The following ADGRV1 variants were observed in gnomAD, a reference collection of about 807,000 sequenced individuals.
ADGRV1 encodes adhesion G protein-coupled receptor V1.
In ADGRV1, 359 loss-of-function variants were observed where a neutral mutation model predicts 596.2. The ratio of observed to expected loss-of-function variants is 0.60; its 90% confidence interval spans 0.55 to 0.66. ADGRV1 has a LOEUF of 0.66. Ranked by LOEUF, ADGRV1 falls within the 30% of genes least tolerant of loss-of-function variation. The probability of loss-of-function intolerance (pLI) is 0.00; values close to 1 mark genes in which losing one functional copy is unlikely to be tolerated. For synonymous variants in ADGRV1, 2,681 were observed against 2,679.2 expected (o/e 1.00, Z -0.02); for missense variants, 7,274 against 7,575.6 (o/e 0.96, Z 1.48).
intron 60 of ADGRV1, among the ~76,000 whole-genome samples, chr5:90,775,541 A>G (rs1354350822): frequency 6.6e-6 from 1 of 152,194 alleles, no homozygotes; most frequent in Non-Finnish European, 1.5e-5. Flanking sequence ...CAGTGGTGTG[A>G]TCACAGATTC....
chr5:90,624,845 T>A (rs1258018874), intron 5 of ADGRV1, among the ~76,000 whole-genome samples: 3 of 150,994 alleles, frequency 2.0e-5, no homozygotes, highest in Non-Finnish European at 3.0e-5. Context: ...TACCCTTTCT[T>A]CCAAGAAGAA....
rs1030578040 is a variant in ADGRV1 at position 90,712,448 on chromosome 5, A to G, written c.9184+20A>G. On this transcript the variant is annotated intron_variant, in intron 42 of 89. Coordinates refer to ENST00000405460, the MANE Select transcript of ADGRV1 (RefSeq NM_032119.4). ...CAATAGGTAATTAATAATTTCTTAT[A>G]AACAGCTTCCTCTCCTTCATGCTGG... The G allele has an allele frequency of 1.9e-6, 3 of 1,552,930 alleles. No individual in the cohort carries two copies. Among genetic ancestry groups the G allele is most frequent in the South Asian group, 2.4e-5 (2 of 83,462 alleles).
intron 27 of ADGRV1, 87 bp downstream of exon 27, chr5:90,681,541 C>T (rs1196561295): frequency 2.3e-6 from 3 of 1,325,386 alleles, no homozygotes; most frequent in Admixed American, 2.7e-5. Flanking sequence ...TTATGCTTTC[C>T]TTTTTTTGTG....
chr5:90,595,657 G>C (rs1309550859), intron 1 of ADGRV1, among the ~76,000 whole-genome samples: 32 of 133,968 alleles, frequency 2.4e-4, no homozygotes, highest in East Asian at 6.9e-4. Flanking sequence ...TGGCCGGGCG[G>C]GGAACTGACC....
chr5:90,639,501 T>A (rs1580549450), intron 11 of ADGRV1, among the ~76,000 whole-genome samples: 1 of 152,174 alleles, frequency 6.6e-6, no homozygotes, highest in Non-Finnish European at 1.5e-5. Flanking sequence ...TAAGTATAAT[T>A]TTTAAGGGTT....
intron 75 of ADGRV1, among the ~76,000 whole-genome samples, chr5:90,822,632 G>A (rs958434659): frequency 1.3e-5 from 2 of 152,210 alleles, no homozygotes; most frequent in African/African-American, 4.8e-5. Flanking sequence ...GGTTCCATAT[G>A]AACTTTAAAG....
chr5:91,138,237 GAA>G (rs536525545), intron 87 of ADGRV1, among the ~76,000 whole-genome samples: 1 of 141,144 alleles, frequency 7.1e-6, no homozygotes, highest in African/African-American at 2.6e-5. Flanking sequence ...ATGGGTTGGA[GAA>G]AAAAAAAAAA....
intron 85 of ADGRV1, among the ~76,000 whole-genome samples, chr5:91,051,239 A>C (rs1449009177): frequency 6.6e-6 from 1 of 152,210 alleles, no homozygotes; most frequent in Non-Finnish European, 1.5e-5. Context: ...AATATTATAC[A>C]GGAAGTCCCT....
chr5:91,090,211 G>A (rs921946465), intron 86 of ADGRV1, among the ~76,000 whole-genome samples: 2 of 152,022 alleles, frequency 1.3e-5, no homozygotes, highest in African/African-American at 4.8e-5. Context: ...AGATCTATTT[G>A]ATCCCCCCTC....
chr5:90,857,068 G>A lies in ADGRV1; in HGVS notation c.17755+1167G>A, dbSNP rs1767091102. 2.0e-5 allele frequency among the ~76,000 whole-genome samples: 3 copies of A among 151,998 alleles called. No homozygotes were observed. The South Asian group carries it at 6.2e-4, about 32-fold the overall frequency. ...TATATAGTTATAAATTTTCTTTAAT[G>A]TATTTTAATTCTGAACCTAACTTCA... On this transcript the variant is annotated intron_variant, in intron 82 of 89. Transcript: ENST00000405460.
Position 90,704,636 on chromosome 5 carries a change from A to T in ADGRV1, c.8386+148A>T, listed in dbSNP as rs999831584. On this transcript the variant is annotated intron_variant, in intron 36 of 89. Coordinates refer to ENST00000405460, the MANE Select transcript of ADGRV1 (RefSeq NM_032119.4). The stretch of plus-strand genomic sequence containing the variant: ...TCCCCTAGAAATGTTAGATCAAAAA[A>T]AATTAGCACCATATGGGAATACTTA... 3.5e-5 allele frequency: 19 copies of T among 541,904 alleles called. No individual in the cohort carries two copies. The Admixed American group carries it at 4.0e-4, about 12-fold the overall frequency. 33.6% of individuals were successfully genotyped at this position (541,904 alleles called of 1,614,324 possible). A position where few individuals can be genotyped will look rare whatever the true frequency, so the allele number is the denominator to read the frequency against.
rs1349796212 is a variant in ADGRV1, at chr5:90,674,219, A to G, written c.5095A>G (p.Ser1699Gly). 6.2e-7 allele frequency: 1 copy of G among 1,607,300 alleles called. No homozygotes were observed. The highest frequency in any genetic ancestry group is 8.5e-7 in the Non-Finnish European group (1 of 1,176,944). The change falls in exon 23 of 90, where the codon AGT becomes GGT. Residue 1699 changes from serine (S) to glycine (G), a missense_variant. Coordinates refer to ENST00000405460, the MANE Select transcript of ADGRV1 (RefSeq NM_032119.4). ...AACGACTGATATCACCATCAAAGCTAGTGATCATCCATATGGTAACCTGCT... is the reference window on the plus strand; with the variant it reads ...AACGACTGATATCACCATCAAAGCTGGTGATCATCCATATGGTAACCTGCT... ...KETTDITIKA[S>G]DHPYGLLQFS...
intron 83 of ADGRV1, among the ~76,000 whole-genome samples, chr5:90,876,433 C>T (rs919940474): frequency 6.6e-6 from 1 of 152,124 alleles, no homozygotes; most frequent in African/African-American, 2.4e-5. Context: ...ACAGTTTCTT[C>T]ACTTCACAGG....
chr5:90,561,044 AT>A (rs1754759399), intron 1 of ADGRV1, among the ~76,000 whole-genome samples: 1 of 152,180 alleles, frequency 6.6e-6, no homozygotes, highest in South Asian at 2.1e-4. Flanking sequence ...AGTATGTCAC[AT>A]TTATTGAATA....
intron 83 of ADGRV1, among the ~76,000 whole-genome samples, chr5:90,945,917 G>A (rs924876221): frequency 6.6e-6 from 1 of 152,106 alleles, no homozygotes; most frequent in Non-Finnish European, 1.5e-5. Context: ...GGTAGAGGTT[G>A]CAGTGAGACA....
chr5:90,851,134 T>TGTGTGTGTGAGAGAGAGAGAGA (rs757909771), intron 79 of ADGRV1, among the ~76,000 whole-genome samples: 42 of 81,500 alleles, frequency 5.2e-4, no homozygotes, highest in Admixed American at 7.4e-4. Context: ...TGTGTGTGTG[T>TGTGTGTGTGAGAGAGAGAGAGA]GAGAGAGAGA....
chr5:90,634,429 G>T (rs1321579917), intron 9 of ADGRV1, among the ~76,000 whole-genome samples: 1 of 152,202 alleles, frequency 6.6e-6, no homozygotes, highest in African/African-American at 2.4e-5. Flanking sequence ...TGAATCAAAT[G>T]ATGAGAAACC....
At chr5:91,080,894 C>A (rs1789299761) in intron 86 of ADGRV1, among the ~76,000 whole-genome samples, 1 of 152,114 alleles carries the variant, frequency 6.6e-6, no homozygotes, top group African/African-American at 2.4e-5. Flanking sequence ...GTAATTGGTA[C>A]AGAATGCAGT....
chr5:91,016,517 G>A (rs554660347), intron 85 of ADGRV1, among the ~76,000 whole-genome samples: 5 of 152,036 alleles, frequency 3.3e-5, no homozygotes, highest in Admixed American at 2.6e-4. Context: ...GGGAAATGCT[G>A]GCCAATATTT....
Sources: allele counts gnomAD v4.1 joint callset (sites outside exome capture counted in the v4.1 genomes callset), GRCh38; gene constraint gnomAD v4.1.1; transcripts MANE v1.5; gene names NCBI Gene and HGNC (gene_info 2026-07-23, HGNC 2026-07-21).